The following IL5RA variants were observed in gnomAD, a reference collection of about 807,000 sequenced individuals.
The protein encoded by IL5RA is interleukin 5 receptor subunit alpha.
IL5RA carries 49 observed loss-of-function variants against 50.0 expected under a neutral mutation model. The observed-to-expected ratio is 0.98, with a 90% CI of 0.78 to 1.24. The LOEUF is 1.24. Ranked by LOEUF, IL5RA falls within the 50% of genes most tolerant of loss-of-function variation. IL5RA has a pLI of 0.00. For synonymous variants in IL5RA, 202 were observed against 174.0 expected (o/e 1.16, Z -1.26); for missense variants, 600 against 500.4 (o/e 1.20, Z -1.90).
intron 4 of IL5RA, 38 bp from the exon 5 acceptor site, chr3:3,101,868 G>T: frequency 6.3e-7 from 1 of 1,580,962 alleles, no homozygotes; most frequent in Non-Finnish European, 8.7e-7. Context: ...ACATAAAAGA[G>T]AACTAGACTT....
intron 9 of IL5RA, among the ~76,000 whole-genome samples, chr3:3,086,488 A>G (rs1331805939): frequency 1.3e-5 from 2 of 152,186 alleles, no homozygotes; most frequent in Admixed American, 6.5e-5. Context: ...GATAAGACAG[A>G]GAAGCCAGCT....
intron 2 of IL5RA, 55 bp from the exon 3 acceptor site, chr3:3,105,042 C>G: frequency 1.8e-6 from 2 of 1,088,572 alleles, no homozygotes; most frequent in Non-Finnish European, 2.8e-6. Flanking sequence ...TTAAGAAAAA[C>G]TGATAGCTGC....
chr3:3,076,630 G>C lies in IL5RA; in HGVS notation c.995-3C>G, dbSNP rs774772632. The C allele has an allele frequency of 1.3e-6, 2 of 1,581,728 alleles. No homozygotes were observed. The highest frequency in any genetic ancestry group is 3.6e-5 in the Admixed American group (2 of 55,956). Reference sequence around the variant, plus strand: ...CAAGGGCTTGTGTTCATCATTTCCTGGTGGAAAACAAAAAAGAAACAAAAA... The same window carrying C: ...CAAGGGCTTGTGTTCATCATTTCCTCGTGGAAAACAAAAAAGAAACAAAAA... On this transcript the variant is annotated splice_polypyrimidine_tract_variant and splice_region_variant and intron_variant, in intron 9 of 11. Transcript: ENST00000446632.
At chr3:3,108,159 A>C (rs1704016864) in intron 2 of IL5RA, among the ~76,000 whole-genome samples, 1 of 152,238 alleles carries the variant, frequency 6.6e-6, no homozygotes, top group Non-Finnish European at 1.5e-5. Context: ...CAGCAATAAA[A>C]GTTATCTCTT....
At chr3:3,097,768 G>T in intron 7 of IL5RA, 102 bp downstream of exon 7, 3 of 1,241,812 alleles carry the variant, frequency 2.4e-6, no homozygotes, top group Non-Finnish European at 3.3e-6. Flanking sequence ...TGCTTACTTG[G>T]CATCAGAGAA....
chr3:3,076,378 G>T (rs991245955), intron 10 of IL5RA, among the ~76,000 whole-genome samples, 153 bp downstream of exon 10: 1 of 152,062 alleles, frequency 6.6e-6, no homozygotes, highest in African/African-American at 2.4e-5. Flanking sequence ...TTTTGATTTG[G>T]CCTACACTCA....
At chr3:3,078,908 T>A (rs1361283750) in intron 9 of IL5RA, among the ~76,000 whole-genome samples, 1 of 152,156 alleles carries the variant, frequency 6.6e-6, no homozygotes, top group Non-Finnish European at 1.5e-5. Context: ...GCTTTTTTAA[T>A]CACAGTGACT....
rs115306471 is a variant in IL5RA at position 3,083,450 on chromosome 3, C to T, written c.995-6823G>A. 1.5e-4 allele frequency among the ~76,000 whole-genome samples: 23 copies of T among 152,206 alleles called. No individual in the cohort carries two copies. The Middle Eastern group carries it at 0.01, about 68-fold the overall frequency. On this transcript the variant is annotated intron_variant, in intron 9 of 11. Coordinates refer to ENST00000446632, the MANE Select transcript of IL5RA (RefSeq NM_175726.4). ...GTACGTGTGTGTATTTGTGTGCATGCGTGTATTTGTGTGTGCATTCAGGAT... is the reference window on the plus strand; with the variant it reads ...GTACGTGTGTGTATTTGTGTGCATGTGTGTATTTGTGTGTGCATTCAGGAT...
At chr3:3,087,394 C>T (rs771540544) in intron 9 of IL5RA, among the ~76,000 whole-genome samples, 2 of 152,154 alleles carry the variant, frequency 1.3e-5, no homozygotes, top group South Asian at 4.1e-4. Flanking sequence ...CTGGACAGCA[C>T]CCCCAGCCTC....
At chr3:3,105,687 G>C (rs1025620690) in intron 2 of IL5RA, among the ~76,000 whole-genome samples, 3 of 144,836 alleles carry the variant, frequency 2.1e-5, no homozygotes, top group East Asian at 2.0e-4. Flanking sequence ...TGATAGACCT[G>C]GGGAAAATAA....
Position 3,104,998 on chromosome 3 carries a change from C to A in IL5RA, c.-3-11G>T, listed in dbSNP as rs775129243. 2 of 1,563,772 alleles carry A rather than the reference C, an allele frequency of 1.3e-6. No individual in the cohort carries two copies. The highest frequency in any genetic ancestry group is 1.8e-6 in the Non-Finnish European group (2 of 1,139,558). The stretch of plus-strand genomic sequence containing the variant: ...CACGATGATCATATCCTACAGAAAA[C>A]AAGGGAGATACCAAAATCATCTTGT... On this transcript the variant is annotated splice_polypyrimidine_tract_variant and intron_variant, in intron 2 of 11. Transcript: ENST00000446632.
intron 2 of IL5RA, among the ~76,000 whole-genome samples, chr3:3,107,175 C>T (rs746712208): frequency 1.3e-5 from 2 of 151,786 alleles, no homozygotes; most frequent in African/African-American, 2.4e-5. Context: ...AAAAGAGGTG[C>T]TTTTGAACAA....
chr3:3,092,986 C>T lies in IL5RA; in HGVS notation c.856-624G>A, dbSNP rs1181531099. Among the ~76,000 whole-genome samples, 1 of 152,022 alleles carries T rather than the reference C, an allele frequency of 6.6e-6. No individual in the cohort carries two copies. Among genetic ancestry groups the T allele is most frequent in the Non-Finnish European group, 1.5e-5 (1 of 68,000 alleles). On this transcript the variant is annotated intron_variant, in intron 8 of 11. Transcript: ENST00000446632. The surrounding 1 kb of genome is among the most constrained non-coding windows in gnomAD (Gnocchi z 4.2). The stretch of plus-strand genomic sequence containing the variant: ...GTAGCCGCTAACTGATATCATATGT[C>T]CATGTCGCCCCTCCCCACTCACATC...
chr3:3,093,821 A>G (rs17659900), intron 8 of IL5RA, among the ~76,000 whole-genome samples: 15,491 of 152,294 alleles, frequency 0.1, 983 homozygotes, highest in Middle Eastern at 0.17. Context: ...AAAGAAGCCA[A>G]TTTGTAAATA....
In IL5RA at chr3:3,095,455, G is replaced by A. The variant is rs1389329435; in HGVS notation, c.710-11C>T. On this transcript the variant is annotated splice_polypyrimidine_tract_variant and intron_variant, in intron 7 of 11. Transcript: ENST00000446632. The stretch of plus-strand genomic sequence containing the variant: ...GAGGATTTATTTGATCTAAGTTAGG[G>A]AACGAAAGATCAGTGATTTTTTTTT... 6.3e-6 allele frequency: 10 copies of A among 1,579,610 alleles called. No homozygotes were observed. The highest frequency in any genetic ancestry group is 7.7e-6 in the Non-Finnish European group (9 of 1,168,274).
At chr3:3,096,196 T>C (rs956724461) in intron 7 of IL5RA, among the ~76,000 whole-genome samples, 12 of 151,412 alleles carry the variant, frequency 7.9e-5, no homozygotes, top group Non-Finnish European at 1.3e-4. Context: ...GAGAATGGCG[T>C]GAACCCAGCA....
rs1384671545 is a variant in IL5RA, at chr3:3,070,005, G to T, written c.*220C>A. 4 of 472,612 alleles carry T rather than the reference G, an allele frequency of 8.5e-6. 1 individual carries two copies. In the South Asian group the frequency reaches 1.1e-4, roughly 13 times the overall value. 29.3% of individuals were successfully genotyped at this position (472,612 alleles called of 1,614,324 possible). ...ATGGGGAGAAAAAACATGGCAAAAT[G>T]CTTGGATGAGTCAACTTCCCTGCTG... is the stretch of plus-strand genomic sequence containing the variant. On this transcript the variant is annotated 3_prime_UTR_variant, in exon 12 of 12. Transcript: ENST00000446632.
At chr3:3,089,668 G>T (rs531971410) in intron 9 of IL5RA, among the ~76,000 whole-genome samples, 3 of 149,840 alleles carry the variant, frequency 2.0e-5, no homozygotes, top group Non-Finnish European at 4.4e-5. Flanking sequence ...TTGAGATGTC[G>T]CCCAGGCTGG....
intron 9 of IL5RA, among the ~76,000 whole-genome samples, chr3:3,079,024 C>T (rs1026808382): frequency 6.6e-6 from 1 of 152,114 alleles, no homozygotes; most frequent in Non-Finnish European, 1.5e-5. Context: ...CACCTTGAAA[C>T]CGAGTCCTCA....
Sources: allele counts gnomAD v4.1 joint callset (sites outside exome capture counted in the v4.1 genomes callset), GRCh38; gene constraint gnomAD v4.1.1; non-coding constraint Gnocchi (gnomAD v3.1); transcripts MANE v1.5; gene names NCBI Gene and HGNC (gene_info 2026-07-23, HGNC 2026-07-21).